FRMPD4: variants seen among roughly 807,000 people sequenced by gnomAD.
The protein encoded by FRMPD4 is FERM and PDZ domain containing 4.
A neutral mutation model predicts 94.1 loss-of-function variants in FRMPD4; 22 were observed. The observed-to-expected ratio is 0.23, with a 90% CI of 0.17 to 0.33. The LOEUF is 0.33. Among genes scored for constraint, FRMPD4 ranks in the 10% least tolerant of loss-of-function variants. The pLI, the probability that FRMPD4 is intolerant of heterozygous loss-of-function variation, is 1.00. For missense variants in FRMPD4, 1,111 were observed against 1,339.9 expected, an observed-to-expected ratio of 0.83 and a Z score of 2.67; for synonymous variants, 631 against 548.6, an observed-to-expected ratio of 1.15 and a Z score of -2.10.
chrX:12,571,978 A>C (rs2058764832), intron 2 of FRMPD4, among the ~76,000 whole-genome samples: 2 of 112,443 alleles, frequency 1.8e-5, no homozygotes, highest in Non-Finnish European at 3.8e-5. Flanking sequence ...GGAAAACATA[A>C]GATTAATTGG....
chrX:12,163,870 T>G (rs892214467), intron 1 of FRMPD4, among the ~76,000 whole-genome samples: 2 of 111,916 alleles, frequency 1.8e-5, no homozygotes, highest in Non-Finnish European at 3.8e-5. Context: ...AGGTAAGTAA[T>G]TATCAGGGGT....
At chrX:11,863,415 G>A (rs766946585) in intron 1 of FRMPD4, among the ~76,000 whole-genome samples, 1 of 111,177 alleles carries the variant, frequency 9.0e-6, no homozygotes, top group African/African-American at 3.3e-5. Flanking sequence ...TTGAAGCTAT[G>A]TTTGTACAAC....
At chrX:12,532,946 A>C (rs773986919) in intron 2 of FRMPD4, among the ~76,000 whole-genome samples, 2 of 112,639 alleles carry the variant, frequency 1.8e-5, no homozygotes, top group South Asian at 7.4e-4. Flanking sequence ...ATGTTTTAGT[A>C]TAATAAATTT....
intron 2 of FRMPD4, among the ~76,000 whole-genome samples, chrX:12,500,372 C>T (rs992059477): frequency 2.7e-5 from 3 of 111,631 alleles, no homozygotes; most frequent in Admixed American, 9.5e-5. Context: ...CCAACCCCCG[C>T]GCACCACCAC....
rs952484719 is a variant in FRMPD4 at position 11,956,628 on chromosome X, T to C, written c.95+78610T>C. Among the ~76,000 whole-genome samples, 22 of 112,697 alleles carry C rather than the reference T, an allele frequency of 2.0e-4. No individual in the cohort carries two copies. In the Admixed American group the frequency reaches 2.1e-3, roughly 11 times the overall value. On this transcript the variant is annotated intron_variant, in intron 3 of 18. Transcript: ENST00000640291. ...TGTGGAAATTCCCCTCTTATCAATA[T>C]GTTTTCTTAGCATAGCAAACTCTTT...
intron 2 of FRMPD4, among the ~76,000 whole-genome samples, chrX:12,508,846 G>T (rs1363382424): frequency 9.2e-6 from 1 of 108,787 alleles, no homozygotes; most frequent in East Asian, 2.9e-4. Context: ...ACAAAAATTA[G>T]CCAGGCATGG....
At chrX:12,023,951 G>T (rs965286877) in intron 3 of FRMPD4, among the ~76,000 whole-genome samples, 5 of 111,581 alleles carry the variant, frequency 4.5e-5, no homozygotes, top group Admixed American at 9.5e-5. Context: ...GGTGAAGAAG[G>T]TAGGGCTGGG....
chrX:12,392,698 G>A (rs1420143451), intron 1 of FRMPD4, among the ~76,000 whole-genome samples: 1 of 39,234 alleles, frequency 2.5e-5, no homozygotes, highest in Non-Finnish European at 3.7e-5. Flanking sequence ...TACCATCTTT[G>A]ACAGACCTTC....
chrX:12,422,349 A>T (rs2056894514), intron 1 of FRMPD4, among the ~76,000 whole-genome samples: 1 of 112,497 alleles, frequency 8.9e-6, no homozygotes, highest in Non-Finnish European at 1.9e-5. Flanking sequence ...TGAAACCTGA[A>T]TAGGGAGCGT....
intron 1 of FRMPD4, among the ~76,000 whole-genome samples, chrX:12,185,158 A>T (rs2056408858): frequency 8.9e-6 from 1 of 111,892 alleles, no homozygotes; most frequent in African/African-American, 3.2e-5. Flanking sequence ...GAAAAAAGTG[A>T]AGTTTATTTA....
chrX:12,323,518 C>T (rs2055240793), intron 1 of FRMPD4, among the ~76,000 whole-genome samples: 1 of 111,813 alleles, frequency 8.9e-6, no homozygotes, highest in Non-Finnish European at 1.9e-5. Flanking sequence ...GGCTGTGGCA[C>T]TAGGGAGCCA....
chrX:12,289,908 A>G (rs898649530), intron 1 of FRMPD4, among the ~76,000 whole-genome samples: 7 of 112,198 alleles, frequency 6.2e-5, no homozygotes, highest in African/African-American at 1.3e-4. Context: ...AGACCTTGGT[A>G]AGGAAGTAAT....
At chrX:11,884,780 T>G (rs189066087) in intron 3 of FRMPD4, among the ~76,000 whole-genome samples, 585 of 111,951 alleles carry the variant, frequency 5.2e-3, no homozygotes, top group South Asian at 0.017. Context: ...TTATAAAAAT[T>G]TTTAAAATAC....
intron 1 of FRMPD4, among the ~76,000 whole-genome samples, chrX:12,317,105 GAC>G (rs1229382964): frequency 8.9e-6 from 1 of 111,915 alleles, no homozygotes; most frequent in African/African-American, 3.2e-5. Flanking sequence ...AAATGGCAAA[GAC>G]ATGTATGCAG....
chrX:12,346,053 T>A (rs1219342846), intron 1 of FRMPD4, among the ~76,000 whole-genome samples: 3 of 106,418 alleles, frequency 2.8e-5, no homozygotes, highest in Admixed American at 9.9e-5. Flanking sequence ...TTTTTTTTTT[T>A]AAGTATATTG....
intron 4 of FRMPD4, among the ~76,000 whole-genome samples, chrX:12,664,629 A>T (rs956095306): frequency 8.9e-6 from 1 of 112,009 alleles, no homozygotes; most frequent in Non-Finnish European, 1.9e-5. Flanking sequence ...GGATTTTCGC[A>T]TTGATGTTCA....
intron 3 of FRMPD4, among the ~76,000 whole-genome samples, chrX:12,004,840 C>G (rs1601879988): frequency 9.0e-6 from 1 of 110,534 alleles, no homozygotes; most frequent in East Asian, 2.9e-4. Flanking sequence ...GCAGGAACCA[C>G]AGCCTGCTGG....
intron 2 of FRMPD4, among the ~76,000 whole-genome samples, chrX:12,528,626 G>A (rs2058252899): frequency 9.0e-6 from 1 of 111,467 alleles, no homozygotes; most frequent in Non-Finnish European, 1.9e-5. Context: ...GGCCCAGTCT[G>A]GTAATTTCTT....
intron 3 of FRMPD4, among the ~76,000 whole-genome samples, chrX:12,022,102 G>A (rs1473662968): frequency 1.8e-5 from 2 of 112,453 alleles, no homozygotes; most frequent in Non-Finnish European, 3.8e-5. Flanking sequence ...AGCCAGAAAT[G>A]TGTCATTCGT....
Sources: gnomAD v4.1 joint callset for allele counts (sites outside exome capture counted in the v4.1 genomes callset) on GRCh38, gnomAD v4.1.1 for gene constraint, MANE v1.5 for transcripts, NCBI Gene and HGNC (gene_info 2026-07-23, HGNC 2026-07-21) for gene names.